LIPJ: variants seen among roughly 807,000 people sequenced by gnomAD.
LIPJ encodes lipase member J.
A neutral mutation model predicts 39.8 loss-of-function variants in LIPJ; 33 were observed. The ratio of observed to expected loss-of-function variants is 0.83; its 90% CI spans 0.63 to 1.11. The LOEUF (loss-of-function observed/expected upper bound fraction) is 1.11. LIPJ is among the 50% of genes least tolerant of loss of function. The probability of loss-of-function intolerance (pLI) is 0.00; values close to 1 mark genes in which losing one functional copy is unlikely to be tolerated. For synonymous variants in LIPJ, 128 were observed against 139.2 expected (o/e 0.92, Z 0.57); for missense variants, 422 against 427.9 (o/e 0.99, Z 0.12).
intron 9 of LIPJ, among the ~76,000 whole-genome samples, chr10:88,602,937 C>T (rs1342426290): frequency 6.6e-6 from 1 of 151,884 alleles, no homozygotes; most frequent in African/African-American, 2.4e-5. Context: ...ACTAAAAATA[C>T]AAAAATTAGC....
chr10:88,607,900 CTT>C (rs1851704682), downstream of LIPJ, among the ~76,000 whole-genome samples: 1 of 152,228 alleles, frequency 6.6e-6, no homozygotes, highest in Non-Finnish European at 1.5e-5. Flanking sequence ...AATAATTCCT[CTT>C]GTCAATCTTT....
At chr10:88,599,950 C>T in intron 8 of LIPJ, among the ~76,000 whole-genome samples, 1 of 151,516 alleles carries the variant, frequency 6.6e-6, no homozygotes. Flanking sequence ...TTTGTTTGTC[C>T]TATCTGGTAT....
upstream of LIPJ, chr10:88,583,373 A>T (rs1807426459): frequency 1.4e-6 from 2 of 1,391,122 alleles, no homozygotes; most frequent in Non-Finnish European, 1.9e-6. Context: ...CGGAGCTGAG[A>T]GGCCCCTCCG....
chr10:88,584,608 TTTTC>T (rs1247005785), upstream of LIPJ: 1 of 152,208 alleles, frequency 6.6e-6, no homozygotes, highest in African/African-American at 2.4e-5. Context: ...GTTTTTTGTT[TTTTC>T]TTTCTTGAGA....
At chr10:88,599,519 C>T (rs1306446231) in intron 8 of LIPJ, among the ~76,000 whole-genome samples, 14 of 151,812 alleles carry the variant, frequency 9.2e-5, no homozygotes, top group Admixed American at 6.6e-4. Flanking sequence ...GGAGTGATAC[C>T]ATACAGTACT....
At chr10:88,605,847 A>C (rs1415154856) in intron 10 of LIPJ, 143 bp downstream of exon 10, 1 of 597,472 alleles carries the variant, frequency 1.7e-6, no homozygotes, top group Non-Finnish European at 2.9e-6. Flanking sequence ...TTATTTGGAT[A>C]CGTATTGTCA....
the LIPJ span, chr10:88,618,587 A>G: frequency 6.5e-6 from 1 of 152,672 alleles, no homozygotes; most frequent in African/African-American, 2.4e-5. Flanking sequence ...TGAGCTTAAC[A>G]AAGTTTCTGT....
chr10:88,583,306 C>A, upstream of LIPJ: 4 of 1,475,508 alleles, frequency 2.7e-6, no homozygotes, highest in Non-Finnish European at 3.6e-6. Context: ...CTCCCTGGGC[C>A]GACCTGGGCC....
intron 3 of LIPJ, 41 bp from the exon 4 acceptor site, chr10:88,591,337 T>A (rs759468350): frequency 3.3e-6 from 5 of 1,529,004 alleles, no homozygotes; most frequent in Non-Finnish European, 4.4e-6. Context: ...CTTAATTGGA[T>A]AACAATTTTA....
In LIPJ at chr10:88,605,791, C is replaced by T. The variant is rs77367044; in HGVS notation, c.867+87C>T. The T allele has an allele frequency of 5.1e-5, 41 of 800,366 alleles. No homozygotes were observed. The South Asian group carries it at 5.5e-4, about 11-fold the overall frequency. The allele number at this position is 800,366 out of a possible 1,614,324, so 49.6% of individuals were successfully genotyped here. On this transcript the variant is annotated intron_variant, in intron 10 of 10. Coordinates refer to ENST00000371939, the Ensembl canonical transcript of LIPJ. ...ATCAAGGATCAACTGTAAATCCCCA[C>T]AGTACAATAACACACTGATTAAGGA...
upstream of LIPJ, chr10:88,582,928 G>C: frequency 1.1e-6 from 1 of 923,080 alleles, no homozygotes; most frequent in African/African-American, 1.7e-5. Context: ...CGCGCCACTC[G>C]GCGCATGGGC....
intron 9 of LIPJ, among the ~76,000 whole-genome samples, chr10:88,604,662 AT>A (rs1386714880): frequency 6.6e-6 from 1 of 152,166 alleles, no homozygotes; most frequent in Non-Finnish European, 1.5e-5. Context: ...TGAAAAGGTA[AT>A]ATTGCCATTA....
intron 8 of LIPJ, among the ~76,000 whole-genome samples, chr10:88,600,032 C>T (rs572698655): frequency 3.6e-4 from 54 of 152,020 alleles, no homozygotes; most frequent in Non-Finnish European, 6.5e-4. Flanking sequence ...TTTATCTTCT[C>T]TTATTTTGTT....
chr10:88,590,620 T>C (rs1851046626), exon 3 of LIPJ: 1 of 1,281,120 alleles, frequency 7.8e-7, no homozygotes, highest in Non-Finnish European at 1.1e-6. Flanking sequence ...ATGATGTATT[T>C]TATCCGAATT....
intron 9 of LIPJ, among the ~76,000 whole-genome samples, chr10:88,603,069 G>C (rs1163068193): frequency 6.6e-6 from 1 of 152,106 alleles, no homozygotes; most frequent in East Asian, 1.9e-4. Flanking sequence ...TCCAGCCTGG[G>C]TGACAGAGTA....
At chr10:88,600,376 T>G (rs1174030586) in intron 8 of LIPJ, among the ~76,000 whole-genome samples, 2 of 152,184 alleles carry the variant, frequency 1.3e-5, no homozygotes, top group African/African-American at 4.8e-5. Context: ...TCCTGTCTCT[T>G]GCTGTGTATA....
At chr10:88,606,677 A>T (rs1441230642) in exon 11 of LIPJ, 1 of 1,592,386 alleles carries the variant, frequency 6.3e-7, no homozygotes. Context: ...TTTTCAGACA[A>T]CGTCTCCATT....
At chr10:88,608,434 TA>T (rs1027126983), downstream of LIPJ, among the ~76,000 whole-genome samples, 7 of 152,250 alleles carry the variant, frequency 4.6e-5, no homozygotes, top group Non-Finnish European at 7.4e-5. Flanking sequence ...AATAATTCCT[TA>T]AAAAAATTGC....
intron 6 of LIPJ, among the ~76,000 whole-genome samples, chr10:88,595,215 A>G (rs1310927364): frequency 6.6e-6 from 1 of 151,824 alleles, no homozygotes; most frequent in Admixed American, 6.6e-5. Context: ...AAATCAGGAA[A>G]TTCTTTCTAT....
Sources: allele counts gnomAD v4.1 joint callset (sites outside exome capture counted in the v4.1 genomes callset), GRCh38; gene constraint gnomAD v4.1.1; transcripts MANE v1.5; gene names NCBI Gene and HGNC (gene_info 2026-07-23, HGNC 2026-07-21).